Variants in SPTBN1 observed in about 807,000 individuals in gnomAD.
SPTBN1 encodes the protein spectrin beta chain, non-erythrocytic 1.
SPTBN1 carries 32 observed loss-of-function variants against 266.4 expected under a neutral mutation model. The ratio of observed to expected loss-of-function variants is 0.12; its 90% CI spans 0.09 to 0.16. The LOEUF is 0.16. SPTBN1 is among the 10% of genes least tolerant of loss of function. SPTBN1 has a pLI of 1.00. For missense variants in SPTBN1, 2,296 were observed against 3,067.1 expected (o/e 0.75, Z 5.94); for synonymous variants, 1,336 against 1,162.2 (o/e 1.15, Z -3.04).
chr2:54,577,322 A>C (rs1674559932), intron 2 of SPTBN1, among the ~76,000 whole-genome samples: 1 of 152,186 alleles, frequency 6.6e-6, no homozygotes, highest in South Asian at 2.1e-4. Context: ...ATTTTACCGA[A>C]TGTGCTCCCC....
rs781036330 is a variant in SPTBN1 at position 54,660,008 on chromosome 2, C to T, written c.6420+9C>T. 5 of 1,614,076 alleles carry T rather than the reference C, an allele frequency of 3.1e-6. No individual in the cohort carries two copies. The highest frequency in any genetic ancestry group is 1.3e-5 in the African/African-American group (1 of 74,926). On this transcript the variant is annotated intron_variant, in intron 32 of 35. Transcript: ENST00000356805. ...AACAGGGATCTCCACGGGTTAGTTA[C>T]CGCTCTCAAACCTACCAAAACTACA...
intron 32 of SPTBN1, chr2:54,662,724 T>G (rs1681128919): frequency 6.6e-6 from 1 of 152,238 alleles, no homozygotes; most frequent in African/African-American, 2.4e-5. Context: ...TCCACTCACA[T>G]TATTTTGACT....
intron 1 of SPTBN1, among the ~76,000 whole-genome samples, chr2:54,493,883 T>TCTCC (rs1668822666): frequency 6.6e-6 from 1 of 152,232 alleles, no homozygotes; most frequent in Non-Finnish European, 1.5e-5. Flanking sequence ...TGATAGGGTG[T>TCTCC]CTATCAAAGA....
At chr2:54,461,630 G>T (rs72618660) in intron 1 of SPTBN1, among the ~76,000 whole-genome samples, 33,462 of 152,168 alleles carry the variant, frequency 0.22, 4,694 homozygotes, top group East Asian at 0.37. Context: ...TGAAAATCTT[G>T]TCCAGTGAAA....
chr2:54,643,023 A>G lies in SPTBN1; in HGVS notation c.3899A>G (p.Asp1300Gly), dbSNP rs1158286493. 2 of 1,614,064 alleles carry G rather than the reference A, an allele frequency of 1.2e-6. No homozygotes were observed. The highest frequency in any genetic ancestry group is 1.1e-5 in the South Asian group (1 of 91,072). Reference protein sequence around the residue: ...WINEKMLTAQDMSYDEARNLH... With the variant: ...WINEKMLTAQGMSYDEARNLH... ...AATGAGAAGATGCTCACAGCCCAGG[A>G]CATGTCTTACGATGAAGCCAGAAAT... is the stretch of plus-strand genomic sequence containing the variant. Residue 1300 changes from aspartate to glycine, a missense_variant, in exon 19 of 36, where the codon GAC becomes GGC. Around this residue, in one of 12 missense-constraint regions of SPTBN1, gnomAD observed 386 missense variants for 486.1 expected, o/e 0.79. Transcript: ENST00000356805.
At chr2:54,513,098 C>T (rs1669941088) in intron 1 of SPTBN1, among the ~76,000 whole-genome samples, 1 of 152,062 alleles carries the variant, frequency 6.6e-6, no homozygotes, top group Non-Finnish European at 1.5e-5. Context: ...AGGCTGAGGC[C>T]CTGGAGGCAG....
At chr2:54,460,737 C>T (rs1351615811) in intron 1 of SPTBN1, among the ~76,000 whole-genome samples, 1 of 152,212 alleles carries the variant, frequency 6.6e-6, no homozygotes, top group Non-Finnish European at 1.5e-5. Context: ...CAGTGGCTCA[C>T]GCCTGTAATC....
intron 3 of SPTBN1, among the ~76,000 whole-genome samples, chr2:54,600,268 G>A (rs928342191): frequency 5.3e-5 from 8 of 152,156 alleles, no homozygotes; most frequent in Non-Finnish European, 1.0e-4. Context: ...TTGAAATGGA[G>A]CCAGAAAAGT....
intron 2 of SPTBN1, among the ~76,000 whole-genome samples, chr2:54,578,474 G>A (rs746157193): frequency 4.6e-5 from 7 of 152,146 alleles, no homozygotes; most frequent in Non-Finnish European, 1.0e-4. Flanking sequence ...TGCTGCTGCT[G>A]CTGCCAAGTA....
intron 27 of SPTBN1, among the ~76,000 whole-genome samples, chr2:54,654,289 T>A (rs1257846799): frequency 6.6e-6 from 1 of 152,212 alleles, no homozygotes; most frequent in Non-Finnish European, 1.5e-5. Flanking sequence ...CCATGCACAT[T>A]ACTAAAGGTG....
Position 54,558,806 on chromosome 2 carries a change from T to C in SPTBN1, c.148+32240T>C, listed in dbSNP as rs769173794. 30 of 1,613,724 alleles carry C rather than the reference T, an allele frequency of 1.9e-5. No individual in the cohort carries two copies. The highest frequency in any genetic ancestry group is 4.0e-5 in the African/African-American group (3 of 74,990). On this transcript the variant is annotated intron_variant, in intron 2 of 35. Transcript: ENST00000356805. The surrounding 1 kb of genome is among the most constrained non-coding windows in gnomAD (Gnocchi z 4.6). ...GGAATTGCAGAGGACGTCTAGTATCTCCGGGCCGCTGTCGCCGGCGTACAC... is the reference window on the plus strand; with the variant it reads ...GGAATTGCAGAGGACGTCTAGTATCCCCGGGCCGCTGTCGCCGGCGTACAC...
chr2:54,522,692 AG>A (rs1670539916), intron 1 of SPTBN1, among the ~76,000 whole-genome samples: 4 of 146,694 alleles, frequency 2.7e-5, no homozygotes, highest in African/African-American at 1.0e-4. Flanking sequence ...AGAGAGAGAG[AG>A]AGAGAGAAAG....
intron 2 of SPTBN1, among the ~76,000 whole-genome samples, chr2:54,534,692 A>G (rs908187327): frequency 6.6e-6 from 1 of 152,152 alleles, no homozygotes; most frequent in Non-Finnish European, 1.5e-5. Context: ...TTCTGAAATC[A>G]GCTTGGATTC....
chr2:54,631,851 C>G (rs990719621), intron 16 of SPTBN1, among the ~76,000 whole-genome samples: 1 of 152,104 alleles, frequency 6.6e-6, no homozygotes, highest in African/African-American at 2.4e-5. Flanking sequence ...TTGATTTCAA[C>G]TGCCATTGAG....
At chr2:54,648,861 CAG>C in intron 24 of SPTBN1, 123 bp from the exon 25 acceptor site, 1 of 954,852 alleles carries the variant, frequency 1.0e-6, no homozygotes. Flanking sequence ...GTGGGTTAAC[CAG>C]AGTTTCCTTT....
In SPTBN1 at chr2:54,558,430, C is replaced by T; in HGVS notation, c.148+31864C>T. The T allele has an allele frequency of 5.9e-6, 6 of 1,022,762 alleles. No individual in the cohort carries two copies. Among genetic ancestry groups the T allele is most frequent in the Non-Finnish European group, 7.0e-6 (6 of 854,684 alleles). The allele number at this position is 1,022,762 out of a possible 1,614,324, so 63.4% of individuals were successfully genotyped here. A position where few individuals can be genotyped will look rare whatever the true frequency, so the allele number is the denominator to read the frequency against. On this transcript the variant is annotated intron_variant, in intron 2 of 35. Coordinates refer to ENST00000356805, the MANE Select transcript of SPTBN1 (RefSeq NM_003128.3). The surrounding 1 kb of genome is among the most constrained non-coding windows in gnomAD (Gnocchi z 4.6). ...TGCGCCCGCGAGCTCCCGGGCTCGGCAACCGTGGCATGCTTAGGATTGGCC... is the reference window on the plus strand; with the variant it reads ...TGCGCCCGCGAGCTCCCGGGCTCGGTAACCGTGGCATGCTTAGGATTGGCC...
chr2:54,639,404 G>A (rs539388330), intron 18 of SPTBN1, among the ~76,000 whole-genome samples: 1 of 152,232 alleles, frequency 6.6e-6, no homozygotes, highest in Admixed American at 6.5e-5. Flanking sequence ...GGGGGTAGGG[G>A]GTTCAATGGG....
At chr2:54,510,545 G>A (rs962571013) in intron 1 of SPTBN1, among the ~76,000 whole-genome samples, 5 of 152,164 alleles carry the variant, frequency 3.3e-5, no homozygotes, top group African/African-American at 4.8e-5. Flanking sequence ...CCTGACATCC[G>A]GTTCATTCTT....
chr2:54,558,890 A>G lies in SPTBN1; in HGVS notation c.148+32324A>G. The G allele has an allele frequency of 6.2e-7, 1 of 1,612,768 alleles. No homozygotes were observed. The highest frequency in any genetic ancestry group is 1.1e-5 in the South Asian group (1 of 90,954). ...AGGCAGATTCAAGCAGCTGCAAGGTAAGCCCCCTCCCAAAGGCCGGGCCTG... is the reference window on the plus strand; with the variant it reads ...AGGCAGATTCAAGCAGCTGCAAGGTGAGCCCCCTCCCAAAGGCCGGGCCTG... On this transcript the variant is annotated intron_variant, in intron 2 of 35. Transcript: ENST00000356805. The surrounding 1 kb of genome is among the most constrained non-coding windows in gnomAD (Gnocchi z 4.6).
Sources: allele counts gnomAD v4.1 joint callset (sites outside exome capture counted in the v4.1 genomes callset), GRCh38; gene constraint gnomAD v4.1.1; regional missense constraint gnomAD v4.1.1; non-coding constraint Gnocchi (gnomAD v3.1); transcripts MANE v1.5; gene names NCBI Gene and HGNC (gene_info 2026-07-23, HGNC 2026-07-21).